The following PCDHGA6 variants were observed in gnomAD, a reference collection of about 807,000 sequenced individuals.
PCDHGA6 encodes protocadherin gamma-A6.
Under a neutral mutation model 60.6 loss-of-function variants are expected in PCDHGA6, and 41 were observed. The ratio of observed to expected loss-of-function variants is 0.68; its 90% CI spans 0.53 to 0.88. The LOEUF (loss-of-function observed/expected upper bound fraction) is 0.88, where lower values mean the gene tolerates loss of function less well. PCDHGA6 is among the 40% of genes least tolerant of loss of function. The pLI, the probability that PCDHGA6 is intolerant of heterozygous loss-of-function variation, is 0.00. For missense variants in PCDHGA6, 1,312 were observed against 1,203.0 expected (o/e 1.09, Z -1.34); for synonymous variants, 594 against 524.4 (o/e 1.13, Z -1.81).
At position 141,422,169 on chromosome 5, in the gene PCDHGA6, A is replaced by G. The variant is rs1386896405; in HGVS notation, c.2424+45662A>G. 2.6e-6 allele frequency: 4 copies of G among 1,563,898 alleles called. No homozygotes were observed. In the South Asian group the frequency reaches 4.9e-5, roughly 19 times the overall value. On this transcript the variant is annotated intron_variant, in intron 1 of 3. Coordinates refer to ENST00000517434, the MANE Select transcript of PCDHGA6 (RefSeq NM_018919.3). ...GGTCTCTGGATTTTGAAAAATATAG[A>G]TTCTATGAGATGGAAATTCAAGGCC...
intron 1 of PCDHGA6, chr5:141,442,360 G>A (rs890049391): frequency 6.6e-6 from 1 of 152,272 alleles, no homozygotes; most frequent in African/African-American, 2.4e-5. Flanking sequence ...GTAGCTCTAT[G>A]ATGCCATATT....
Position 141,477,311 on chromosome 5 carries a change from C to G in PCDHGA6, c.2425-17496C>G. 6.2e-7 allele frequency: 1 copy of G among 1,614,186 alleles called. No individual in the cohort carries two copies. The highest frequency in any genetic ancestry group is 8.5e-7 in the Non-Finnish European group (1 of 1,180,032). ...AGTTCCACCGGGTCTCCCTTTCAGC[C>G]TTACTTCTTCCCTCAAGAATTACTT... On this transcript the variant is annotated intron_variant, in intron 1 of 3. Coordinates refer to ENST00000517434, the MANE Select transcript of PCDHGA6 (RefSeq NM_018919.3). The surrounding 1 kb of genome is among the most constrained non-coding windows in gnomAD (Gnocchi z 4.9).
chr5:141,418,637 T>A, intron 1 of PCDHGA6: 1 of 1,613,998 alleles, frequency 6.2e-7, no homozygotes. Context: ...TCCAGGCACC[T>A]CCATCCTGAG....
rs755706235 is a variant in PCDHGA6 at position 141,476,450 on chromosome 5, G to A, written c.2425-18357G>A. ...TTGCACTGTAACTCTGGAGTTGGTA[G>A]TGGAGAACCCGCTGGAGCTGTTCAG... On this transcript the variant is annotated intron_variant, in intron 1 of 3. Transcript: ENST00000517434. The surrounding 1 kb of genome is among the most constrained non-coding windows in gnomAD (Gnocchi z 7.6). The A allele has an allele frequency of 6.2e-7, 1 of 1,614,180 alleles. No individual in the cohort carries two copies. The highest frequency in any genetic ancestry group is 8.5e-7 in the Non-Finnish European group (1 of 1,180,040).
At chr5:141,410,340 T>G in intron 1 of PCDHGA6, 1 of 1,614,068 alleles carries the variant, frequency 6.2e-7, no homozygotes, top group Non-Finnish European at 8.5e-7. Flanking sequence ...GCCATTGCCT[T>G]GCGCCTGCGA....
intron 1 of PCDHGA6, chr5:141,409,913 G>A: frequency 6.2e-7 from 1 of 1,613,334 alleles, no homozygotes; most frequent in South Asian, 1.1e-5. Flanking sequence ...GGGTCCTGAC[G>A]GCTCCGCGTT....
In PCDHGA6 at chr5:141,477,292, A is replaced by G; in HGVS notation, c.2425-17515A>G. The G allele has an allele frequency of 1.2e-6, 2 of 1,614,114 alleles. No individual in the cohort carries two copies. The highest frequency in any genetic ancestry group is 4.5e-5 in the East Asian group (2 of 44,862). On this transcript the variant is annotated intron_variant, in intron 1 of 3. Transcript: ENST00000517434. The surrounding 1 kb of genome is among the most constrained non-coding windows in gnomAD (Gnocchi z 4.9). ...ACGGGCTGGTGACCTGCGAAGTTCCACCGGGTCTCCCTTTCAGCCTTACTT... is the reference window on the plus strand; with the variant it reads ...ACGGGCTGGTGACCTGCGAAGTTCCGCCGGGTCTCCCTTTCAGCCTTACTT...
rs2233610 is a variant in PCDHGA6, at chr5:141,505,535, G to A, written c.2572+54G>A. ...AGTGGGAGACCTGGGGTTCTGGGGT[G>A]CATCTCACAGCCACCATGCCCACGG... is the stretch of plus-strand genomic sequence containing the variant. On this transcript the variant is annotated intron_variant, in intron 3 of 3. Transcript: ENST00000517434. 12 of 1,610,344 alleles carry A rather than the reference G, an allele frequency of 7.5e-6. No individual in the cohort carries two copies. The East Asian group carries it at 1.8e-4, about 24-fold the overall frequency.
intron 1 of PCDHGA6, chr5:141,393,882 T>G (rs1471060639): frequency 6.2e-7 from 1 of 1,614,028 alleles, no homozygotes; most frequent in South Asian, 1.1e-5. Flanking sequence ...TAGCCCAGTG[T>G]TAGAAAATTC....
At chr5:141,437,983 A>C (rs544812394) in intron 1 of PCDHGA6, among the ~76,000 whole-genome samples, 1 of 152,056 alleles carries the variant, frequency 6.6e-6, no homozygotes, top group Admixed American at 6.5e-5. Context: ...GGATGCACCC[A>C]CCCCACCTCA....
chr5:141,421,058 A>G, intron 1 of PCDHGA6: 2 of 577,316 alleles, frequency 3.5e-6, no homozygotes, highest in Non-Finnish European at 3.0e-6. Context: ...TCTACCACAC[A>G]AAGCGGAATG....
chr5:141,492,007 C>A, intron 1 of PCDHGA6: 1 of 629,072 alleles, frequency 1.6e-6, no homozygotes, highest in Non-Finnish European at 2.6e-6. Flanking sequence ...GCGATTTCCG[C>A]GGGTGTCGGG....
At chr5:141,433,123 C>A in intron 1 of PCDHGA6, 1 of 1,614,116 alleles carries the variant, frequency 6.2e-7, no homozygotes, top group Non-Finnish European at 8.5e-7. Context: ...TTGAAAAAAG[C>A]GAGCCCCTTT....
At chr5:141,404,530 A>C in intron 1 of PCDHGA6, 1 of 1,614,008 alleles carries the variant, frequency 6.2e-7, no homozygotes, top group Non-Finnish European at 8.5e-7. Flanking sequence ...AGCAGTTTAG[A>C]GATTTGCAAA....
intron 1 of PCDHGA6, among the ~76,000 whole-genome samples, chr5:141,434,609 G>T (rs189866750): frequency 1.3e-5 from 2 of 151,946 alleles, no homozygotes; most frequent in Non-Finnish European, 2.9e-5. Flanking sequence ...CTTTATTTCC[G>T]CCCATCTCTT....
rs745435492 is a variant in PCDHGA6, at chr5:141,489,215, A to G, written c.2425-5592A>G. The G allele has an allele frequency of 4.1e-6, 6 of 1,475,362 alleles. No homozygotes were observed. Among genetic ancestry groups the G allele is most frequent in the Non-Finnish European group, 5.5e-6 (6 of 1,093,140 alleles). 91.4% of individuals were successfully genotyped at this position (1,475,362 alleles called of 1,614,324 possible). A position where few individuals can be genotyped will look rare whatever the true frequency, so the allele number is the denominator to read the frequency against. ...CTTGGAGACAGGACAGCACAGACTT[A>G]CTCTCCACAAAGGGACTTCTGGGTC... On this transcript the variant is annotated intron_variant, in intron 1 of 3. Coordinates refer to ENST00000517434, the MANE Select transcript of PCDHGA6 (RefSeq NM_018919.3). The surrounding 1 kb of genome is among the most constrained non-coding windows in gnomAD (Gnocchi z 4.5).
At chr5:141,508,642 T>A (rs893357826) in intron 3 of PCDHGA6, among the ~76,000 whole-genome samples, 13 of 152,070 alleles carry the variant, frequency 8.5e-5, no homozygotes, top group Admixed American at 2.6e-4. Flanking sequence ...AGCTACTCCG[T>A]CAGGCCCTTC....
At chr5:141,385,591 T>C in intron 1 of PCDHGA6, 3 of 1,245,038 alleles carry the variant, frequency 2.4e-6, no homozygotes, top group Non-Finnish European at 3.0e-6. Context: ...TGTTCCAACC[T>C]ACTTTCTTAA....
intron 3 of PCDHGA6, among the ~76,000 whole-genome samples, chr5:141,509,504 C>T (rs534951697): frequency 4.7e-4 from 72 of 152,246 alleles, no homozygotes; most frequent in Non-Finnish European, 8.4e-4. Flanking sequence ...CTGGATGTGA[C>T]GGTGTTGATG....
Sources: allele counts gnomAD v4.1 joint callset (sites outside exome capture counted in the v4.1 genomes callset), GRCh38; gene constraint gnomAD v4.1.1; non-coding constraint Gnocchi (gnomAD v3.1); transcripts MANE v1.5; gene names NCBI Gene and HGNC (gene_info 2026-07-23, HGNC 2026-07-21).